Variants in PPP4R3B observed in about 807,000 individuals in gnomAD.
PPP4R3B encodes serine/threonine-protein phosphatase 4 regulatory subunit 3B.
PPP4R3B carries 52 observed loss-of-function variants against 95.4 expected under a neutral mutation model. The ratio of observed to expected loss-of-function variants is 0.54; its 90% CI spans 0.44 to 0.69. PPP4R3B has a LOEUF of 0.69. Among genes scored for constraint, PPP4R3B ranks in the 30% least tolerant of loss-of-function variants. The pLI, the probability that PPP4R3B is intolerant of heterozygous loss-of-function variation, is 0.00. For synonymous variants in PPP4R3B, 407 were observed against 343.9 expected (o/e 1.18, Z -2.03); for missense variants, 1,003 against 1,005.9 (o/e 1.00, Z 0.04).
intron 16 of PPP4R3B, among the ~76,000 whole-genome samples, chr2:55,554,199 G>T (rs1274473973): frequency 6.6e-6 from 1 of 152,162 alleles, no homozygotes; most frequent in African/African-American, 2.4e-5. Flanking sequence ...CGAATAGCTG[G>T]GACCACAGGC....
At chr2:55,601,423 C>G (rs1000788179) in intron 3 of PPP4R3B, among the ~76,000 whole-genome samples, 2 of 151,834 alleles carry the variant, frequency 1.3e-5, no homozygotes, top group African/African-American at 4.8e-5. Context: ...CTCTGTAGCC[C>G]AGGCTGGAGT....
chr2:55,557,618 G>A (rs1448332943), intron 16 of PPP4R3B, among the ~76,000 whole-genome samples: 2 of 152,136 alleles, frequency 1.3e-5, no homozygotes, highest in Non-Finnish European at 2.9e-5. Context: ...ATTGTCAAGA[G>A]CCTATCTCAC....
At chr2:55,554,414 C>T (rs1273400381) in intron 16 of PPP4R3B, among the ~76,000 whole-genome samples, 2 of 152,224 alleles carry the variant, frequency 1.3e-5, no homozygotes, top group African/African-American at 4.8e-5. Context: ...CTTACCAACA[C>T]TTGTTTTTGT....
chr2:55,574,249 G>C (rs1204018128), intron 11 of PPP4R3B, among the ~76,000 whole-genome samples: 1 of 150,472 alleles, frequency 6.6e-6, no homozygotes, highest in Non-Finnish European at 1.5e-5. Flanking sequence ...TTTTTCATTA[G>C]GCAGACTCTC....
rs370354585 is a variant in PPP4R3B at position 55,596,886 on chromosome 2, C to T, written c.921+1530G>A. Among the ~76,000 whole-genome samples, 12 of 152,290 alleles carry T rather than the reference C, an allele frequency of 7.9e-5. No homozygotes were observed. In the South Asian group the frequency reaches 8.3e-4, roughly 11 times the overall value. The stretch of plus-strand genomic sequence containing the variant: ...GGCTGAGGCAGGAGAATCGCTTGAA[C>T]CCAGAAGGTGGAGGTTGCAATGAGC... On this transcript the variant is annotated intron_variant, in intron 4 of 16. Coordinates refer to ENST00000616407, the MANE Select transcript of PPP4R3B (RefSeq NM_001122964.3).
chr2:55,583,979 G>C (rs1689771929), intron 7 of PPP4R3B, among the ~76,000 whole-genome samples: 1 of 152,144 alleles, frequency 6.6e-6, no homozygotes, highest in Non-Finnish European at 1.5e-5. Context: ...GCCGAGATGG[G>C]TGGATCACCT....
chr2:55,597,623 A>AAAAC (rs113216757), intron 4 of PPP4R3B, among the ~76,000 whole-genome samples: 35,583 of 148,746 alleles, frequency 0.24, 4,344 homozygotes, highest in East Asian at 0.29. Flanking sequence ...CTCCGTCTCA[A>AAAAC]AAACAAACAA....
At chr2:55,609,292 G>T (rs1315304705) in intron 2 of PPP4R3B, among the ~76,000 whole-genome samples, 1 of 152,110 alleles carries the variant, frequency 6.6e-6, no homozygotes, top group Non-Finnish European at 1.5e-5. Flanking sequence ...GAAAAGCTGG[G>T]ACTACTACTG....
intron 12 of PPP4R3B, among the ~76,000 whole-genome samples, chr2:55,572,312 G>A (rs1688112071): frequency 6.6e-6 from 1 of 152,094 alleles, no homozygotes; most frequent in Non-Finnish European, 1.5e-5. Context: ...AAAGTTATCT[G>A]GAAAACAATA....
chr2:55,582,161 C>A (rs1330905406), intron 7 of PPP4R3B, among the ~76,000 whole-genome samples: 14 of 152,094 alleles, frequency 9.2e-5, no homozygotes, highest in Non-Finnish European at 4.4e-5. Context: ...GAAAAAATGA[C>A]CAAAAATAAC....
chr2:55,552,012 A>C (rs779374386), intron 16 of PPP4R3B, among the ~76,000 whole-genome samples: 1 of 152,232 alleles, frequency 6.6e-6, no homozygotes, highest in Non-Finnish European at 1.5e-5. Flanking sequence ...ATTACATATC[A>C]TAACGTACAA....
chr2:55,604,217 T>C (rs1395686986), intron 2 of PPP4R3B, 141 bp from the exon 3 acceptor site: 3 of 482,812 alleles, frequency 6.2e-6, no homozygotes, highest in Non-Finnish European at 1.1e-5. Context: ...CTGATTGGCA[T>C]TATTAGTAAT....
chr2:55,557,834 A>C (rs185030423), intron 16 of PPP4R3B, among the ~76,000 whole-genome samples: 101 of 152,320 alleles, frequency 6.6e-4, no homozygotes, highest in Non-Finnish European at 1.0e-4. Flanking sequence ...ATTTCATATA[A>C]CATATGAACA....
At chr2:55,571,265 G>A (rs975760582) in intron 12 of PPP4R3B, among the ~76,000 whole-genome samples, 1 of 151,788 alleles carries the variant, frequency 6.6e-6, no homozygotes, top group African/African-American at 2.4e-5. Flanking sequence ...AGCTGAGACT[G>A]TGCCACTACA....
chr2:55,564,460 C>A lies in PPP4R3B; in HGVS notation c.2113G>T (p.Asp705Tyr). Residue 705 changes from aspartate (D) to tyrosine (Y), a missense_variant, in exon 15 of 17, where the codon GAT becomes TAT. Asp to Tyr is a radical substitution (Grantham distance 160). Coordinates refer to ENST00000616407, the MANE Select transcript of PPP4R3B (RefSeq NM_001122964.3). ...TCATCCTCTTCCAAGGCTTTTGCATCTCTGCGAAATCTGTTACTACGCAAT... is the reference window on the plus strand; with the variant it reads ...TCATCCTCTTCCAAGGCTTTTGCATATCTGCGAAATCTGTTACTACGCAAT... ...SILRSNRFRR[D>Y]AKALEEDEEM... 1 of 1,612,560 alleles carries A rather than the reference C, an allele frequency of 6.2e-7. No homozygotes were observed. Among genetic ancestry groups the A allele is most frequent in the South Asian group, 1.1e-5 (1 of 90,762 alleles).
chr2:55,550,022 A>G lies in PPP4R3B; in HGVS notation c.2455-16T>C. 1 of 1,578,480 alleles carries G rather than the reference A, an allele frequency of 6.3e-7. No homozygotes were observed. Among genetic ancestry groups the G allele is most frequent in the Non-Finnish European group, 8.6e-7 (1 of 1,164,856 alleles). On this transcript the variant is annotated splice_polypyrimidine_tract_variant and intron_variant, in intron 16 of 16. Transcript: ENST00000616407. ...CCAAACTTCCCTATTGAAGAATTTA[A>G]AAATTTTTTCTTTAAACATATATAA...
chr2:55,574,130 C>T (rs764235221), intron 11 of PPP4R3B, among the ~76,000 whole-genome samples: 7 of 151,490 alleles, frequency 4.6e-5, no homozygotes, highest in Non-Finnish European at 5.9e-5. Context: ...TGGACTCAAG[C>T]GATGCTCTCA....
Position 55,568,356 on chromosome 2 carries a change from A to C in PPP4R3B, c.1773T>G (p.Leu591=). ...SKHTFLALCA[L]RFMRRIIGLK... ...GTCCAATTATCCGCCTCATAAAGCG[A>C]AGGGCACCTAATTAAAAATAATATA... Residue 591 remains leucine (L), a synonymous_variant, in exon 13 of 17, where the codon CTT becomes CTG. Transcript: ENST00000616407. 1 of 1,593,432 alleles carries C rather than the reference A, an allele frequency of 6.3e-7. No homozygotes were observed. Among genetic ancestry groups the C allele is most frequent in the Non-Finnish European group, 8.5e-7 (1 of 1,172,586 alleles).
chr2:55,564,491 T>G lies in PPP4R3B; in HGVS notation c.2082A>C (p.Pro694=). The G allele has an allele frequency of 6.3e-7, 1 of 1,595,962 alleles. No individual in the cohort carries two copies. The highest frequency in any genetic ancestry group is 8.5e-7 in the Non-Finnish European group (1 of 1,174,190). ...GAAATCTGTTACTACGCAATATAGA[T>G]GGTACACTGTAAGAAATATATCACA... The part of the protein sequence containing the change: ...DRQNQKLNSV[P]SILRSNRFRR... Residue 694 remains proline (P), a synonymous_variant, in exon 15 of 17, where the codon CCA becomes CCC. Transcript: ENST00000616407.
Sources: gnomAD v4.1 joint callset for allele counts (sites outside exome capture counted in the v4.1 genomes callset) on GRCh38, gnomAD v4.1.1 for gene constraint, MANE v1.5 for transcripts, NCBI Gene and HGNC (gene_info 2026-07-23, HGNC 2026-07-21) for gene names.